Variants in ANKIB1 observed in about 807,000 individuals in gnomAD.
ANKIB1 encodes the protein ankyrin repeat and IBR domain-containing protein 1.
In ANKIB1, 43 loss-of-function variants were observed where a neutral mutation model predicts 122.1. That is an observed-to-expected ratio of 0.35 (90% CI 0.28 to 0.45). ANKIB1 has a LOEUF of 0.45. ANKIB1 is among the 20% of genes least tolerant of loss of function. The pLI is 1.00. For synonymous variants in ANKIB1, 390 were observed against 442.0 expected, an observed-to-expected ratio of 0.88 and a Z score of 1.48; for missense variants, 992 against 1,329.5, an observed-to-expected ratio of 0.75 and a Z score of 3.95.
At chr7:92,390,650 C>T (rs1018078786) in intron 15 of ANKIB1, among the ~76,000 whole-genome samples, 31 of 152,202 alleles carry the variant, frequency 2.0e-4, no homozygotes, top group Non-Finnish European at 4.3e-4. Context: ...ATCCCTTGAA[C>T]TGTCCTCTGC....
intron 5 of ANKIB1, among the ~76,000 whole-genome samples, chr7:92,333,385 C>T (rs1295417183): frequency 6.6e-6 from 1 of 152,130 alleles, no homozygotes; most frequent in African/African-American, 2.4e-5. Flanking sequence ...GGGTGTTACC[C>T]TCCCTCCTGC....
chr7:92,337,301 T>C (rs1803310016), intron 5 of ANKIB1, among the ~76,000 whole-genome samples: 1 of 152,218 alleles, frequency 6.6e-6, no homozygotes, highest in African/African-American at 2.4e-5. Flanking sequence ...GGCTTTTGTG[T>C]TTTAAATTAA....
In ANKIB1 at chr7:92,307,599, CAAAA is replaced by C; in HGVS notation, c.434_437del (p.Lys145ThrfsTer12). 6.2e-7 allele frequency: 1 copy of C among 1,608,272 alleles called. No individual in the cohort carries two copies. Among genetic ancestry groups the C allele is most frequent in the Non-Finnish European group, 8.5e-7 (1 of 1,178,366 alleles). On this transcript the variant is annotated frameshift_variant, in exon 3 of 20. Transcript: ENST00000265742. LOFTEE classifies it high-confidence loss of function. ...GAGCAGCTATTGATGCTGTTGATAA[CAAAA>C]AAAACACACCCTTGCACTATGCTGC...
chr7:92,390,208 A>G, intron 15 of ANKIB1, 92 bp downstream of exon 15: 1 of 916,480 alleles, frequency 1.1e-6, no homozygotes. Flanking sequence ...TTTAATGTGG[A>G]CATGATTACT....
At chr7:92,290,570 G>C (rs1802225700) in intron 1 of ANKIB1, among the ~76,000 whole-genome samples, 1 of 152,054 alleles carries the variant, frequency 6.6e-6, no homozygotes, top group Admixed American at 6.6e-5. Flanking sequence ...AATGAAGAAT[G>C]GGAATCAGTT....
At chr7:92,389,424 G>T (rs1355911201) in intron 14 of ANKIB1, among the ~76,000 whole-genome samples, 1 of 151,800 alleles carries the variant, frequency 6.6e-6, no homozygotes. Flanking sequence ...AGGCAATTTA[G>T]TCTTCCATCT....
chr7:92,254,550 A>G (rs1371458973), intron 1 of ANKIB1, among the ~76,000 whole-genome samples: 1 of 152,112 alleles, frequency 6.6e-6, no homozygotes, highest in Admixed American at 6.5e-5. Flanking sequence ...CCTATGGTGC[A>G]TTTCCCTAAC....
chr7:92,280,393 C>T (rs369565556), intron 1 of ANKIB1, among the ~76,000 whole-genome samples: 4 of 138,116 alleles, frequency 2.9e-5, no homozygotes, highest in African/African-American at 2.7e-5. Context: ...TGGATGGAAA[C>T]GCAAGGGTGA....
chr7:92,329,714 T>A (rs926347163), intron 5 of ANKIB1, among the ~76,000 whole-genome samples: 1 of 152,190 alleles, frequency 6.6e-6, no homozygotes, highest in African/African-American at 2.4e-5. Flanking sequence ...GAAAGTCATA[T>A]TTTAGTCCTC....
chr7:92,339,927 GT>G (rs201881988), intron 5 of ANKIB1, among the ~76,000 whole-genome samples: 110 of 135,864 alleles, frequency 8.1e-4, no homozygotes, highest in South Asian at 2.1e-3. Context: ...TGGTTGTAGG[GT>G]TTTTTTTTTT....
At chr7:92,305,022 G>T (rs1802530599) in intron 2 of ANKIB1, among the ~76,000 whole-genome samples, 1 of 152,106 alleles carries the variant, frequency 6.6e-6, no homozygotes, top group Non-Finnish European at 1.5e-5. Flanking sequence ...GACTTTAAAT[G>T]ACTATAATTT....
At chr7:92,307,208 C>A in intron 2 of ANKIB1, 151 bp from the exon 3 acceptor site, 1 of 670,440 alleles carries the variant, frequency 1.5e-6, no homozygotes, top group Non-Finnish European at 2.4e-6. Flanking sequence ...AAGAATTAGT[C>A]ATTCAAGCTG....
chr7:92,264,185 G>GT (rs552946409), intron 1 of ANKIB1, among the ~76,000 whole-genome samples: 2,113 of 142,686 alleles, frequency 0.015, 24 homozygotes, highest in South Asian at 0.042. Flanking sequence ...TTGTTTGTTG[G>GT]TTTTTTTTTT....
chr7:92,258,861 C>T (rs1801503409), intron 1 of ANKIB1, among the ~76,000 whole-genome samples: 1 of 152,094 alleles, frequency 6.6e-6, no homozygotes, highest in East Asian at 1.9e-4. Context: ...GAGATCTCTC[C>T]ATTTGGAATT....
intron 4 of ANKIB1, among the ~76,000 whole-genome samples, chr7:92,325,743 C>A (rs188359430): frequency 6.5e-4 from 98 of 151,830 alleles, no homozygotes; most frequent in African/African-American, 2.2e-3. Context: ...TATGTGACAG[C>A]CTTTCTGAAA....
chr7:92,384,929 T>C (rs1804600155), intron 11 of ANKIB1, among the ~76,000 whole-genome samples: 1 of 152,104 alleles, frequency 6.6e-6, no homozygotes, highest in African/African-American at 2.4e-5. Context: ...CAAAAGAAAC[T>C]ACCATCAGAG....
intron 1 of ANKIB1, among the ~76,000 whole-genome samples, chr7:92,264,136 C>A (rs1443816743): frequency 1.3e-5 from 2 of 148,892 alleles, no homozygotes; most frequent in African/African-American, 4.9e-5. Context: ...AAGAAACAAA[C>A]TTCAGGATAG....
chr7:92,256,009 T>A (rs888616864), intron 1 of ANKIB1, among the ~76,000 whole-genome samples: 29 of 152,186 alleles, frequency 1.9e-4, no homozygotes, highest in Admixed American at 1.9e-3. Flanking sequence ...TAGTTTTAGA[T>A]GGTAAGTTGA....
rs766209128 is a variant in ANKIB1, at chr7:92,295,092, A to G, written c.114A>G (p.Thr38=). ...TAAAAGAATCTCTTGATCCAAATAC[A>G]TCTTATGGGGAGCCCTACCAGCACA... ...PQLKESLDPN[T]SYGEPYQHNT... The change falls in exon 2 of 20, where the codon ACA becomes ACG. Residue 38 remains threonine (T), a synonymous_variant. Transcript: ENST00000265742. 4 of 1,586,294 alleles carry G rather than the reference A, an allele frequency of 2.5e-6. No homozygotes were observed. Among genetic ancestry groups the G allele is most frequent in the East Asian group, 4.5e-5 (2 of 44,008 alleles).
Sources: gnomAD v4.1 joint callset for allele counts (sites outside exome capture counted in the v4.1 genomes callset) on GRCh38, gnomAD v4.1.1 for gene constraint, MANE v1.5 for transcripts, NCBI Gene and HGNC (gene_info 2026-07-23, HGNC 2026-07-21) for gene names.